The following EYS variants were observed in gnomAD, a reference collection of about 807,000 sequenced individuals.
The protein encoded by EYS is protein eyes shut homolog.
EYS carries 250 observed loss-of-function variants against 282.1 expected under a neutral mutation model. The ratio of observed to expected loss-of-function variants is 0.89; its 90% CI spans 0.80 to 0.98. The LOEUF (loss-of-function observed/expected upper bound fraction) is 0.98. EYS is among the 50% of genes least tolerant of loss of function. The pLI, the probability that EYS is intolerant of heterozygous loss-of-function variation, is 0.00. For missense variants in EYS, 4,016 were observed against 3,709.0 expected (o/e 1.08, Z -2.15); for synonymous variants, 1,355 against 1,282.9 (o/e 1.06, Z -1.20).
At chr6:64,413,749 A>C (rs1190709965) in intron 28 of EYS, among the ~76,000 whole-genome samples, 1 of 152,200 alleles carries the variant, frequency 6.6e-6, no homozygotes, top group East Asian at 1.9e-4. Flanking sequence ...AGAGTGAAAG[A>C]TAAAAGAAAA....
At chr6:65,466,860 A>T (rs1765017769) in intron 5 of EYS, among the ~76,000 whole-genome samples, 1 of 152,200 alleles carries the variant, frequency 6.6e-6, no homozygotes, top group South Asian at 2.1e-4. Flanking sequence ...AGTGATAACT[A>T]AGCAGCACCA....
chr6:64,236,014 C>T (rs1439900340), intron 30 of EYS, among the ~76,000 whole-genome samples: 1 of 152,124 alleles, frequency 6.6e-6, no homozygotes, highest in Non-Finnish European at 1.5e-5. Flanking sequence ...GGCAGAGACA[C>T]AACCAAAAAA....
At chr6:64,483,507 A>G (rs1356604459) in intron 26 of EYS, among the ~76,000 whole-genome samples, 3 of 151,714 alleles carry the variant, frequency 2.0e-5, no homozygotes, top group Non-Finnish European at 4.4e-5. Flanking sequence ...AGAGGAAATT[A>G]TTTAACTGAT....
chr6:63,851,556 C>G (rs2149703188), intron 36 of EYS, among the ~76,000 whole-genome samples: 1 of 152,220 alleles, frequency 6.6e-6, no homozygotes, highest in African/African-American at 2.4e-5. Flanking sequence ...AATGAACAAC[C>G]TGCTCCTGAA....
chr6:65,185,037 G>GAA (rs200241313), intron 12 of EYS, among the ~76,000 whole-genome samples: 168 of 144,456 alleles, frequency 1.2e-3, no homozygotes, highest in African/African-American at 3.9e-3. Flanking sequence ...AAAAAAGAAA[G>GAA]AAAAAAAAAA....
chr6:65,332,211 G>T, intron 11 of EYS: 1 of 556,388 alleles, frequency 1.8e-6, no homozygotes, highest in Non-Finnish European at 3.2e-6. Context: ...AAAGTGTTGT[G>T]AGATTCTGTA....
chr6:64,886,786 T>C lies in EYS; in HGVS notation c.2903A>G (p.Asn968Ser), dbSNP rs535658960. ...YHGPFCELDV[N>S]KCKISPCLDE... ...TAGACAAGGTGAGATTTTACATTTA[T>C]TTACATCAAGTTCACAGAAGGGCCC... Residue 968 changes from asparagine to serine, a missense_variant, in exon 19 of 43, where the codon AAT becomes AGT. Coordinates refer to ENST00000503581, the MANE Select transcript of EYS (RefSeq NM_001142800.2). The C allele has an allele frequency of 3.1e-5, 48 of 1,546,896 alleles. No homozygotes were observed. In the African/African-American group the frequency reaches 6.0e-4, roughly 19 times the overall value.
intron 2 of EYS, among the ~76,000 whole-genome samples, chr6:65,626,518 G>A (rs1766697767): frequency 6.6e-6 from 1 of 152,124 alleles, no homozygotes; most frequent in Admixed American, 6.6e-5. Flanking sequence ...TAGATACAAT[G>A]AATAAACTAA....
chr6:64,352,567 C>T (rs572264107), intron 29 of EYS, among the ~76,000 whole-genome samples: 2 of 151,582 alleles, frequency 1.3e-5, no homozygotes, highest in Admixed American at 6.6e-5. Flanking sequence ...CCTGTCTTTT[C>T]GTCTTACCCT....
intron 31 of EYS, among the ~76,000 whole-genome samples, chr6:64,176,525 GTT>G (rs952934838): frequency 6.0e-5 from 9 of 150,746 alleles, no homozygotes; most frequent in African/African-American, 2.2e-4. Context: ...GTGTGTGTGT[GTT>G]TGTGTATGTA....
chr6:65,380,881 T>C (rs1765584973), intron 8 of EYS, among the ~76,000 whole-genome samples: 1 of 152,140 alleles, frequency 6.6e-6, no homozygotes, highest in South Asian at 2.1e-4. Context: ...TCATCATCAC[T>C]GGTCATTAGA....
At chr6:64,134,360 C>T (rs984754972) in intron 31 of EYS, among the ~76,000 whole-genome samples, 4 of 150,910 alleles carry the variant, frequency 2.7e-5, no homozygotes, top group Non-Finnish European at 5.9e-5. Context: ...AATCTCCAGA[C>T]TAAGGAGATA....
intron 12 of EYS, among the ~76,000 whole-genome samples, chr6:65,260,145 C>T (rs1032522771): frequency 6.6e-6 from 1 of 151,976 alleles, no homozygotes; most frequent in Non-Finnish European, 1.5e-5. Context: ...CAAAAGGAGA[C>T]GTGCCTAGTG....
At chr6:65,409,925 T>G (rs1766911670) in intron 5 of EYS, among the ~76,000 whole-genome samples, 1 of 152,068 alleles carries the variant, frequency 6.6e-6, no homozygotes, top group South Asian at 2.1e-4. Context: ...CATTATTATT[T>G]GAAAACAACT....
At chr6:64,522,751 G>C (rs543552522) in intron 26 of EYS, among the ~76,000 whole-genome samples, 1 of 151,558 alleles carries the variant, frequency 6.6e-6, no homozygotes, top group African/African-American at 2.4e-5. Flanking sequence ...AAATATACTC[G>C]ATCGCTGAAG....
At chr6:64,351,442 T>C (rs971429159) in intron 29 of EYS, among the ~76,000 whole-genome samples, 1 of 151,486 alleles carries the variant, frequency 6.6e-6, no homozygotes, top group Non-Finnish European at 1.5e-5. Flanking sequence ...TCCATCTATC[T>C]ATCTATCAAT....
chr6:65,166,862 T>C (rs990695879), intron 12 of EYS, among the ~76,000 whole-genome samples: 3 of 151,034 alleles, frequency 2.0e-5, no homozygotes, highest in Admixed American at 1.3e-4. Flanking sequence ...CTGTCTCAAT[T>C]AAAAGTGGAC....
At chr6:65,345,365 C>A (rs1770354991) in intron 9 of EYS, among the ~76,000 whole-genome samples, 1 of 151,674 alleles carries the variant, frequency 6.6e-6, no homozygotes, top group Non-Finnish European at 1.5e-5. Flanking sequence ...GAGTAATTAA[C>A]TCAAACAGGA....
chr6:64,447,147 A>AG (rs1438199255), intron 26 of EYS, among the ~76,000 whole-genome samples: 55 of 152,132 alleles, frequency 3.6e-4, no homozygotes, highest in African/African-American at 1.3e-3. Context: ...TGATTTTAAC[A>AG]GTAAGCAGAT....
Sources: allele counts gnomAD v4.1 joint callset (sites outside exome capture counted in the v4.1 genomes callset), GRCh38; gene constraint gnomAD v4.1.1; transcripts MANE v1.5; gene names NCBI Gene and HGNC (gene_info 2026-07-23, HGNC 2026-07-21).